The following RSPO2 variants were observed in gnomAD, a reference collection of about 807,000 sequenced individuals.
RSPO2 encodes R-spondin-2.
RSPO2 carries 14 observed loss-of-function variants against 30.9 expected under a neutral mutation model. The ratio of observed to expected loss-of-function variants is 0.45; its 90% CI spans 0.30 to 0.71. RSPO2 has a LOEUF of 0.71. Among genes scored for constraint, RSPO2 ranks in the 30% least tolerant of loss-of-function variants. The pLI, the probability that RSPO2 is intolerant of heterozygous loss-of-function variation, is 0.08. For synonymous variants in RSPO2, 107 were observed against 96.4 expected (o/e 1.11, Z -0.64); for missense variants, 264 against 301.9 (o/e 0.87, Z 0.93).
intron 5 of RSPO2, among the ~76,000 whole-genome samples, chr8:107,937,210 T>C (rs546765900): frequency 6.6e-6 from 1 of 151,780 alleles, no homozygotes; most frequent in South Asian, 2.1e-4. Flanking sequence ...CTTCTGCGTA[T>C]GGATTCTCAA....
chr8:108,007,970 A>G (rs755912944), intron 2 of RSPO2, among the ~76,000 whole-genome samples: 6 of 152,116 alleles, frequency 3.9e-5, no homozygotes, highest in Non-Finnish European at 8.8e-5. Context: ...AATTAAAAAT[A>G]CACCTTGCCT....
intron 2 of RSPO2, among the ~76,000 whole-genome samples, chr8:108,050,213 G>A (rs1812036776): frequency 6.6e-6 from 1 of 152,038 alleles, no homozygotes; most frequent in Admixed American, 6.6e-5. Context: ...TATACCTATT[G>A]CATTTTCAGA....
chr8:108,031,600 C>T (rs544591152), intron 2 of RSPO2, among the ~76,000 whole-genome samples: 12 of 152,180 alleles, frequency 7.9e-5, no homozygotes, highest in African/African-American at 2.6e-4. Context: ...CGGTAAAAGG[C>T]CGTAACTTCA....
chr8:107,899,713 A>AGAT lies in RSPO2; in HGVS notation c.*1359_*1361dup, dbSNP rs1435306073. 6.6e-6 allele frequency: 1 copy of AGAT among 152,372 alleles called. No individual in the cohort carries two copies. Among genetic ancestry groups the AGAT allele is most frequent in the Admixed American group, 6.5e-5 (1 of 15,284 alleles). The allele number at this position is 152,372 out of a possible 1,614,324, so 9.4% of individuals were successfully genotyped here. A position where few individuals can be genotyped will look rare whatever the true frequency, so the allele number is the denominator to read the frequency against. On this transcript the variant is annotated 3_prime_UTR_variant, in exon 6 of 6. Coordinates refer to ENST00000276659, the MANE Select transcript of RSPO2 (RefSeq NM_178565.5). The stretch of plus-strand genomic sequence containing the variant: ...TAATTTTCTCCTGGATCAGCCAGGA[A>AGAT]GATAATCATGCTTTGTGAAAAAGCC...
chr8:107,904,687 T>C (rs1406952707), intron 5 of RSPO2, among the ~76,000 whole-genome samples: 1 of 152,074 alleles, frequency 6.6e-6, no homozygotes, highest in Admixed American at 6.6e-5. Flanking sequence ...CTGAGATGTC[T>C]GGTAAGGCAT....
In RSPO2 at chr8:107,992,174, TAC is replaced by T. The variant is rs35054419; in HGVS notation, c.95-2932_95-2931del. 2.5e-3 allele frequency among the ~76,000 whole-genome samples: 359 copies of T among 141,902 alleles called. 3 individuals are homozygous for T. Among genetic ancestry groups the T allele is most frequent in the East Asian group, 3.7e-3 (18 of 4,838 alleles). The allele number at this position is 141,902 out of a possible 152,430, so 93.1% of individuals were successfully genotyped here. ...AACTGACTGGATAAAGAAAATGTGA[TAC>T]ACACACACACACACACACACACACA... On this transcript the variant is annotated intron_variant, in intron 2 of 5. Transcript: ENST00000276659.
At chr8:108,080,933 A>T (rs981685651) in intron 2 of RSPO2, among the ~76,000 whole-genome samples, 2 of 152,208 alleles carry the variant, frequency 1.3e-5, no homozygotes, top group Non-Finnish European at 2.9e-5. Flanking sequence ...TACTCGAAAG[A>T]AAGTACTGGG....
chr8:107,979,932 T>C (rs905667343), intron 3 of RSPO2, among the ~76,000 whole-genome samples: 2 of 152,196 alleles, frequency 1.3e-5, no homozygotes, highest in African/African-American at 2.4e-5. Flanking sequence ...TCAGATGACA[T>C]TCTACAACAA....
intron 5 of RSPO2, among the ~76,000 whole-genome samples, chr8:107,937,752 C>T (rs1043093032): frequency 1.3e-5 from 2 of 152,024 alleles, no homozygotes; most frequent in Non-Finnish European, 2.9e-5. Context: ...ATAATTCTTA[C>T]CCCAAATATC....
intron 2 of RSPO2, among the ~76,000 whole-genome samples, chr8:108,046,627 G>GCAAA: frequency 6.6e-6 from 1 of 152,052 alleles, no homozygotes; most frequent in East Asian, 1.9e-4. Context: ...AGCATCATTT[G>GCAAA]CAAACAAACA....
intron 2 of RSPO2, among the ~76,000 whole-genome samples, chr8:108,065,022 G>A (rs1812614115): frequency 6.6e-6 from 1 of 152,128 alleles, no homozygotes; most frequent in Middle Eastern, 3.4e-3. Flanking sequence ...GGCCTGTTGT[G>A]GGGTGGGGAG....
chr8:107,933,328 T>G (rs570690702), intron 5 of RSPO2, among the ~76,000 whole-genome samples: 1 of 152,304 alleles, frequency 6.6e-6, no homozygotes, highest in South Asian at 2.1e-4. Flanking sequence ...TAGTCAACTT[T>G]TGAAAAGTAA....
intron 2 of RSPO2, among the ~76,000 whole-genome samples, chr8:108,053,743 A>G (rs577418728): frequency 1.3e-5 from 2 of 152,326 alleles, no homozygotes; most frequent in African/African-American, 4.8e-5. Context: ...AAGTTATTAC[A>G]ATTCTATACT....
At chr8:108,026,213 C>G (rs1310445473) in intron 2 of RSPO2, among the ~76,000 whole-genome samples, 2 of 152,092 alleles carry the variant, frequency 1.3e-5, no homozygotes, top group African/African-American at 2.4e-5. Context: ...AATAACTGGC[C>G]AGGATTCTTC....
intron 2 of RSPO2, among the ~76,000 whole-genome samples, chr8:108,070,411 G>A (rs1320588694): frequency 3.3e-5 from 5 of 149,406 alleles, no homozygotes. Flanking sequence ...TCCTGCCTCA[G>A]CCTCCCGAGT....
intron 2 of RSPO2, among the ~76,000 whole-genome samples, chr8:108,030,603 C>T (rs139239537): frequency 6.6e-6 from 1 of 152,278 alleles, no homozygotes; most frequent in African/African-American, 2.4e-5. Context: ...CATCTGCTGG[C>T]TTAAATACGC....
chr8:108,042,361 A>T (rs1476346844), intron 2 of RSPO2, among the ~76,000 whole-genome samples: 1 of 152,146 alleles, frequency 6.6e-6, no homozygotes, highest in Non-Finnish European at 1.5e-5. Context: ...CAATAATGAC[A>T]GTAGGAAATA....
intron 2 of RSPO2, among the ~76,000 whole-genome samples, chr8:108,023,328 A>AC (rs1296251306): frequency 3.3e-5 from 5 of 152,114 alleles, no homozygotes; most frequent in Admixed American, 3.3e-4. Flanking sequence ...ATGCCACATT[A>AC]CCCCCAGAAC....
rs1199712647 is a variant in RSPO2, at chr8:108,082,686, G to A, written c.-48C>T. The A allele has an allele frequency of 2.0e-6, 3 of 1,533,040 alleles. No individual in the cohort carries two copies. The highest frequency in any genetic ancestry group is 1.4e-5 in the African/African-American group (1 of 73,428). The allele number at this position is 1,533,040 out of a possible 1,614,324, so 95.0% of individuals were successfully genotyped here. A position where few individuals can be genotyped will look rare whatever the true frequency, so the allele number is the denominator to read the frequency against. On this transcript the variant is annotated 5_prime_UTR_variant, in exon 2 of 6. Transcript: ENST00000276659. ...GACGCCTCTCAAAGTCTAGGAACTG[G>A]AGGGTTCGCCCAAAGAGCCGGCGCC... is the stretch of plus-strand genomic sequence containing the variant.
Sources: allele counts gnomAD v4.1 joint callset (sites outside exome capture counted in the v4.1 genomes callset), GRCh38; gene constraint gnomAD v4.1.1; transcripts MANE v1.5; gene names NCBI Gene and HGNC (gene_info 2026-07-23, HGNC 2026-07-21).